The following LINGO1 variants were observed in gnomAD, a reference collection of about 807,000 sequenced individuals.
LINGO1 encodes leucine rich repeat and Ig domain containing 1.
A neutral mutation model predicts 37.3 loss-of-function variants in LINGO1; 11 were observed. That is an observed-to-expected ratio of 0.29 (90% CI 0.19 to 0.49). LINGO1 has a LOEUF of 0.49. LINGO1 is among the 20% of genes least tolerant of loss of function. The pLI is 0.99. For synonymous variants in LINGO1, 387 were observed against 403.0 expected (o/e 0.96, Z 0.48); for missense variants, 585 against 878.2 (o/e 0.67, Z 4.22).
In LINGO1 at chr15:77,680,442, T is replaced by G. The variant is rs947118358; in HGVS notation, c.-98-3268A>C. Among the ~76,000 whole-genome samples, 5 of 152,328 alleles carry G rather than the reference T, an allele frequency of 3.3e-5. No individual in the cohort carries two copies. The East Asian group carries it at 9.6e-4, about 29-fold the overall frequency. ...TTGTTAGAACACGTTTGGGTGACTTTCTGAGTGAGAGAACTAAGTCCCATT... is the reference window on the plus strand; with the variant it reads ...TTGTTAGAACACGTTTGGGTGACTTGCTGAGTGAGAGAACTAAGTCCCATT... On this transcript the variant is annotated intron_variant, in intron 2 of 3. Transcript: ENST00000559893.
At chr15:77,721,358 C>G (rs2076048175) in intron 2 of LINGO1, among the ~76,000 whole-genome samples, 1 of 152,134 alleles carries the variant, frequency 6.6e-6, no homozygotes, top group Non-Finnish European at 1.5e-5. Flanking sequence ...CAGCCACTGC[C>G]TCCCACCCTC....
chr15:77,763,187 C>T (rs937649691), intron 1 of LINGO1, among the ~76,000 whole-genome samples: 27 of 152,150 alleles, frequency 1.8e-4, no homozygotes, highest in Non-Finnish European at 3.1e-4. Context: ...CATTAACATT[C>T]GCCTAATTAA....
At chr15:77,668,611 G>C (rs979292012) in intron 3 of LINGO1, among the ~76,000 whole-genome samples, 1 of 152,138 alleles carries the variant, frequency 6.6e-6, no homozygotes, top group Admixed American at 6.5e-5. Context: ...GGGTCACGAC[G>C]CATGCGCAGG....
intron 3 of LINGO1, among the ~76,000 whole-genome samples, chr15:77,658,521 A>T (rs977325041): frequency 6.6e-6 from 1 of 152,254 alleles, no homozygotes; most frequent in Admixed American, 6.5e-5. Context: ...GCTCAAGGCC[A>T]GGGGAAGGCA....
chr15:77,801,493 G>A (rs189022667), intron 1 of LINGO1, among the ~76,000 whole-genome samples: 45 of 152,294 alleles, frequency 3.0e-4, no homozygotes, highest in Middle Eastern at 6.8e-3. Flanking sequence ...AATCACCTCC[G>A]AGCAGTGGGA....
intron 1 of LINGO1, among the ~76,000 whole-genome samples, chr15:77,622,235 G>A (rs1024995151): frequency 2.0e-5 from 3 of 151,984 alleles, no homozygotes; most frequent in East Asian, 1.9e-4. Context: ...AGAGACACCC[G>A]GGAGACACGT....
intron 3 of LINGO1, among the ~76,000 whole-genome samples, chr15:77,671,079 G>A (rs1009493774): frequency 3.3e-5 from 5 of 152,122 alleles, no homozygotes; most frequent in Admixed American, 1.3e-4. Context: ...TGACCCTCCC[G>A]CAGGGCCCCT....
At chr15:77,665,566 C>T (rs1237661856) in intron 3 of LINGO1, among the ~76,000 whole-genome samples, 1 of 152,206 alleles carries the variant, frequency 6.6e-6, no homozygotes, top group Non-Finnish European at 1.5e-5. Context: ...GCCCTTCAGG[C>T]CAGCCCAAGC....
At position 77,615,302 on chromosome 15, in the gene LINGO1, T is replaced by G; in HGVS notation, c.605A>C (p.Asn202Thr). 3 of 1,612,926 alleles carry G rather than the reference T, an allele frequency of 1.9e-6. No individual in the cohort carries two copies. The highest frequency in any genetic ancestry group is 2.5e-6 in the Non-Finnish European group (3 of 1,179,642). Residue 202 changes from asparagine to threonine, a missense_variant, in exon 2 of 2, where the codon AAC becomes ACC. Asn to Thr is a moderately conservative substitution (Grantham distance 65). This residue lies in a region of LINGO1 where 484 missense variants were observed against 735.0 expected (regional missense o/e 0.66). Transcript: ENST00000355300. Reference sequence around the variant, plus strand: ...CGCCTCGGTGGGGATGGAGGTCAGGTTGCATTTCTCCAGCGTCAGCTGCTC... The same window carrying G: ...CGCCTCGGTGGGGATGGAGGTCAGGGTGCATTTCTCCAGCGTCAGCTGCTC... ...SLEQLTLEKCNLTSIPTEALS... is the reference protein window; with the variant it reads ...SLEQLTLEKCTLTSIPTEALS...
upstream of LINGO1, among the ~76,000 whole-genome samples, chr15:77,634,892 C>G (rs948855908): frequency 6.6e-6 from 1 of 152,222 alleles, no homozygotes; most frequent in African/African-American, 2.4e-5. Context: ...CCGGCGGGCG[C>G]GCAGACCCGC....
At chr15:77,711,618 AG>A (rs1410950953) in intron 2 of LINGO1, among the ~76,000 whole-genome samples, 1 of 152,258 alleles carries the variant, frequency 6.6e-6, no homozygotes, top group African/African-American at 2.4e-5. Context: ...AAACAGGGTT[AG>A]CCCGAGGATT....
intron 3 of LINGO1, among the ~76,000 whole-genome samples, chr15:77,673,827 A>G (rs2075288041): frequency 1.3e-5 from 2 of 151,772 alleles, no homozygotes; most frequent in South Asian, 4.2e-4. Flanking sequence ...GCATCTCACC[A>G]TTTACGTGTC....
intron 2 of LINGO1, among the ~76,000 whole-genome samples, chr15:77,713,210 T>TG (rs1555533524): frequency 8.1e-6 from 1 of 123,722 alleles, no homozygotes; most frequent in Non-Finnish European, 1.6e-5. Flanking sequence ...GCCCAGCTAA[T>TG]TGTGTGTGTG....
intron 2 of LINGO1, among the ~76,000 whole-genome samples, chr15:77,686,225 C>T (rs2075508105): frequency 6.6e-6 from 1 of 152,180 alleles, no homozygotes; most frequent in South Asian, 2.1e-4. Context: ...GCCCTCCTCA[C>T]TCCCCCTGCT....
chr15:77,669,229 C>T (rs1596080910), intron 3 of LINGO1, among the ~76,000 whole-genome samples: 1 of 152,180 alleles, frequency 6.6e-6, no homozygotes, highest in African/African-American at 2.4e-5. Flanking sequence ...CAACTGGATG[C>T]CACTTTGGGA....
chr15:77,806,284 G>T (rs2076959000), intron 1 of LINGO1, among the ~76,000 whole-genome samples: 1 of 152,154 alleles, frequency 6.6e-6, no homozygotes, highest in Non-Finnish European at 1.5e-5. Context: ...AATGCCCAGT[G>T]ATGATTCCTC....
At chr15:77,726,148 C>T (rs957025944) in intron 2 of LINGO1, among the ~76,000 whole-genome samples, 6 of 152,192 alleles carry the variant, frequency 3.9e-5, no homozygotes, top group African/African-American at 1.4e-4. Flanking sequence ...CCTTTTTCTC[C>T]CCCAGACCAG....
At chr15:77,752,634 G>C (rs1004619997) in intron 1 of LINGO1, among the ~76,000 whole-genome samples, 2 of 152,236 alleles carry the variant, frequency 1.3e-5, no homozygotes, top group African/African-American at 2.4e-5. Context: ...CTTCCAGATG[G>C]AATCAGCCAA....
intron 1 of LINGO1, among the ~76,000 whole-genome samples, chr15:77,692,981 A>G (rs1196503730): frequency 6.6e-6 from 1 of 152,236 alleles, no homozygotes; most frequent in Non-Finnish European, 1.5e-5. Context: ...AACATGGCCC[A>G]CAGGGACACG....
Sources: gnomAD v4.1 joint callset for allele counts (sites outside exome capture counted in the v4.1 genomes callset) on GRCh38, gnomAD v4.1.1 for gene constraint, gnomAD v4.1.1 regional missense constraint, MANE v1.5 for transcripts, NCBI Gene and HGNC (gene_info 2026-07-23, HGNC 2026-07-21) for gene names.